Variants in MINDY3 observed in about 807,000 individuals in gnomAD.
MINDY3 encodes ubiquitin carboxyl-terminal hydrolase MINDY-3.
MINDY3 carries 38 observed loss-of-function variants against 69.2 expected under a neutral mutation model. The ratio of observed to expected loss-of-function variants is 0.55; its 90% CI spans 0.42 to 0.72. MINDY3 has a LOEUF of 0.72. MINDY3 is among the 30% of genes least tolerant of loss of function. MINDY3 has a pLI of 0.00. For missense variants in MINDY3, 522 were observed against 519.0 expected (o/e 1.01, Z -0.06); for synonymous variants, 192 against 180.1 (o/e 1.07, Z -0.53).
At chr10:15,832,163 T>G (rs145409874) in intron 8 of MINDY3, among the ~76,000 whole-genome samples, 88 of 151,996 alleles carry the variant, frequency 5.8e-4, no homozygotes, top group African/African-American at 2.0e-3. Context: ...CACTGATGAG[T>G]ACCAAGTGTG....
chr10:15,858,311 A>C (rs1834838054), intron 1 of MINDY3, among the ~76,000 whole-genome samples: 1 of 152,198 alleles, frequency 6.6e-6, no homozygotes, highest in Non-Finnish European at 1.5e-5. Flanking sequence ...CTGTTAAAGA[A>C]TTTCTGCATG....
chr10:15,831,628 G>C (rs1840463871), intron 8 of MINDY3, among the ~76,000 whole-genome samples: 1 of 151,178 alleles, frequency 6.6e-6, no homozygotes, highest in South Asian at 2.1e-4. Context: ...TTCTGTACAG[G>C]AAGTAACGAC....
intron 1 of MINDY3, 95 bp from the exon 2 acceptor site, chr10:15,848,038 T>C: frequency 2.1e-6 from 2 of 939,092 alleles, no homozygotes; most frequent in East Asian, 2.5e-5. Flanking sequence ...TGATCACTTA[T>C]CACAACAGCA....
At chr10:15,787,907 T>C (rs1837096588) in intron 12 of MINDY3, among the ~76,000 whole-genome samples, 1 of 152,116 alleles carries the variant, frequency 6.6e-6, no homozygotes, top group South Asian at 2.1e-4. Flanking sequence ...TGTATTACAG[T>C]TGTAAATAGG....
chr10:15,839,384 T>TAC (rs1045957439), intron 4 of MINDY3, among the ~76,000 whole-genome samples: 4 of 151,614 alleles, frequency 2.6e-5, no homozygotes, highest in African/African-American at 9.7e-5. Context: ...GCCAAAACTA[T>TAC]ACACACCACA....
chr10:15,814,389 G>A (rs1839213536), intron 10 of MINDY3, among the ~76,000 whole-genome samples: 1 of 151,636 alleles, frequency 6.6e-6, no homozygotes, highest in East Asian at 1.9e-4. Flanking sequence ...ATATTCTTAG[G>A]GGATATAAAC....
In MINDY3 at chr10:15,778,953, ATC is replaced by A. The variant is rs1430038933; in HGVS notation, c.*37_*38del. 2 of 1,580,424 alleles carry A rather than the reference ATC, an allele frequency of 1.3e-6. No homozygotes were observed. The highest frequency in any genetic ancestry group is 1.7e-6 in the Non-Finnish European group (2 of 1,157,210). ...GCCAGTCTTGACTCCTTCTTTCAAC[ATC>A]TGTTATTAAGATCTTCCTTATAAAT... On this transcript the variant is annotated 3_prime_UTR_variant, in exon 15 of 15. Coordinates refer to ENST00000277632, the MANE Select transcript of MINDY3 (RefSeq NM_024948.4).
chr10:15,859,963 G>A (rs1834977443), intron 1 of MINDY3, among the ~76,000 whole-genome samples: 1 of 152,250 alleles, frequency 6.6e-6, no homozygotes, highest in African/African-American at 2.4e-5. Flanking sequence ...CCCAGCCGAA[G>A]GGCAGCCCGG....
At chr10:15,802,335 T>C (rs780122959) in intron 10 of MINDY3, among the ~76,000 whole-genome samples, 1 of 152,162 alleles carries the variant, frequency 6.6e-6, no homozygotes, top group Non-Finnish European at 1.5e-5. Context: ...CTCATAGATC[T>C]ACATAGCTGG....
intron 9 of MINDY3, among the ~76,000 whole-genome samples, chr10:15,820,514 G>C (rs944273241): frequency 6.6e-6 from 1 of 152,104 alleles, no homozygotes; most frequent in African/African-American, 2.4e-5. Flanking sequence ...ATATGTGTTA[G>C]GGGGAAGGGG....
intron 10 of MINDY3, among the ~76,000 whole-genome samples, chr10:15,804,221 G>T (rs1364094675): frequency 6.6e-6 from 1 of 151,996 alleles, no homozygotes; most frequent in Non-Finnish European, 1.5e-5. Flanking sequence ...AATGCAGAGG[G>T]TTGGCGGGGG....
chr10:15,835,492 C>T (rs189541365), intron 6 of MINDY3, among the ~76,000 whole-genome samples: 101 of 152,142 alleles, frequency 6.6e-4, no homozygotes, highest in Non-Finnish European at 1.2e-3. Flanking sequence ...CTAAACAATA[C>T]AAATCAGGCT....
intron 13 of MINDY3, among the ~76,000 whole-genome samples, chr10:15,783,507 C>T (rs957385296): frequency 6.6e-6 from 1 of 151,962 alleles, no homozygotes; most frequent in African/African-American, 2.4e-5. Flanking sequence ...TTTTTCCAGA[C>T]CTGGTTTAAA....
chr10:15,854,732 G>C (rs915243821), intron 1 of MINDY3, among the ~76,000 whole-genome samples: 2 of 152,080 alleles, frequency 1.3e-5, no homozygotes, highest in African/African-American at 4.8e-5. Flanking sequence ...AACTACATTT[G>C]TATTGGTGCT....
At chr10:15,846,995 T>C (rs1644160377) in intron 2 of MINDY3, among the ~76,000 whole-genome samples, 1 of 152,158 alleles carries the variant, frequency 6.6e-6, no homozygotes, top group Non-Finnish European at 1.5e-5. Context: ...AGTGGTAGGA[T>C]TACAGGTGCG....
rs748113586 is a variant in MINDY3 at position 15,778,875 on chromosome 10, T to G, written c.*117A>C. ...ATAAACACTGAAAATGTGTTTTTAATTGTTATTTACAGTTAATCAGTGATA... is the reference window on the plus strand; with the variant it reads ...ATAAACACTGAAAATGTGTTTTTAAGTGTTATTTACAGTTAATCAGTGATA... On this transcript the variant is annotated 3_prime_UTR_variant, in exon 15 of 15. Coordinates refer to ENST00000277632, the MANE Select transcript of MINDY3 (RefSeq NM_024948.4). 14 of 761,896 alleles carry G rather than the reference T, an allele frequency of 1.8e-5. No individual in the cohort carries two copies. The East Asian group carries it at 3.6e-4, about 20-fold the overall frequency. The allele number at this position is 761,896 out of a possible 1,614,324, so 47.2% of individuals were successfully genotyped here.
At chr10:15,824,758 T>G (rs944193064) in intron 8 of MINDY3, among the ~76,000 whole-genome samples, 1 of 152,220 alleles carries the variant, frequency 6.6e-6, no homozygotes, top group Non-Finnish European at 1.5e-5. Context: ...CCCTGGACTT[T>G]TAAACAAATG....
At chr10:15,804,577 A>G (rs1459042691) in intron 10 of MINDY3, among the ~76,000 whole-genome samples, 1 of 152,026 alleles carries the variant, frequency 6.6e-6, no homozygotes, top group Non-Finnish European at 1.5e-5. Context: ...ATGACTGCAC[A>G]TATATAAATG....
chr10:15,795,631 GA>G (rs1017038654), intron 11 of MINDY3, among the ~76,000 whole-genome samples: 4 of 151,994 alleles, frequency 2.6e-5, no homozygotes, highest in Non-Finnish European at 5.9e-5. Flanking sequence ...ATATATATGT[GA>G]ACTTCTAAAA....
Sources: allele counts gnomAD v4.1 joint callset (sites outside exome capture counted in the v4.1 genomes callset), GRCh38; gene constraint gnomAD v4.1.1; transcripts MANE v1.5; gene names NCBI Gene and HGNC (gene_info 2026-07-23, HGNC 2026-07-21).